CENPP: variants seen among roughly 807,000 people sequenced by gnomAD.
CENPP encodes centromere protein P.
Under a neutral mutation model 35.6 loss-of-function variants are expected in CENPP, and 24 were observed. The ratio of observed to expected loss-of-function variants is 0.67; its 90% CI spans 0.49 to 0.95. The LOEUF (loss-of-function observed/expected upper bound fraction) is 0.95. CENPP is among the 40% of genes least tolerant of loss of function. The pLI is 0.00. For synonymous variants in CENPP, 120 were observed against 125.5 expected (o/e 0.96, Z 0.29); for missense variants, 332 against 345.3 (o/e 0.96, Z 0.31).
At chr9:92,395,295 A>T (rs1248222247) in intron 5 of CENPP, among the ~76,000 whole-genome samples, 1 of 152,216 alleles carries the variant, frequency 6.6e-6, no homozygotes, top group Non-Finnish European at 1.5e-5. Context: ...ATCATGGAGT[A>T]TCTACTTCCT....
intron 4 of CENPP, among the ~76,000 whole-genome samples, chr9:92,374,388 A>G (rs1467408172): frequency 6.6e-6 from 1 of 151,974 alleles, no homozygotes; most frequent in Non-Finnish European, 1.5e-5. Context: ...TATTTCTAGT[A>G]GAGACGGAGG....
At chr9:92,374,933 T>C (rs1157002040) in intron 4 of CENPP, among the ~76,000 whole-genome samples, 1 of 152,198 alleles carries the variant, frequency 6.6e-6, no homozygotes, top group Non-Finnish European at 1.5e-5. Flanking sequence ...TTAATTTCTA[T>C]TGCATTTGTG....
intron 5 of CENPP, chr9:92,517,753 G>A (rs1847816658): frequency 6.2e-7 from 1 of 1,614,218 alleles, no homozygotes; most frequent in Non-Finnish European, 8.5e-7. Flanking sequence ...CTCTGGGGAT[G>A]GCACATGGTT....
At chr9:92,547,000 A>C (rs995236838) in intron 5 of CENPP, among the ~76,000 whole-genome samples, 2 of 152,226 alleles carry the variant, frequency 1.3e-5, no homozygotes, top group East Asian at 1.9e-4. Flanking sequence ...TTTGCAGGTC[A>C]GTCTCACTAA....
chr9:92,459,572 T>A, intron 5 of CENPP: 1 of 1,535,288 alleles, frequency 6.5e-7, no homozygotes, highest in Non-Finnish European at 8.9e-7. Flanking sequence ...TGTGCTAAAG[T>A]GTGTTATAAA....
At chr9:92,590,979 T>C (rs1850649820) in intron 5 of CENPP, among the ~76,000 whole-genome samples, 2 of 152,288 alleles carry the variant, frequency 1.3e-5, no homozygotes, top group South Asian at 4.1e-4. Context: ...TTTGAATAAA[T>C]GAGCCAAAAG....
At chr9:92,536,490 C>T (rs1446365524) in intron 5 of CENPP, 4 of 152,986 alleles carry the variant, frequency 2.6e-5, no homozygotes, top group Admixed American at 6.5e-5. Flanking sequence ...ACTAACAAAA[C>T]GACAACAACA....
intron 4 of CENPP, among the ~76,000 whole-genome samples, chr9:92,366,177 CAAAAAA>C (rs79052877): frequency 1.9e-5 from 1 of 52,070 alleles, no homozygotes; most frequent in Non-Finnish European, 4.1e-5. Flanking sequence ...GACTCCGTCT[CAAAAAA>C]AAAAAAAAAA....
intron 5 of CENPP, among the ~76,000 whole-genome samples, chr9:92,555,902 T>C (rs1450564989): frequency 6.6e-6 from 1 of 152,184 alleles, no homozygotes; most frequent in Non-Finnish European, 1.5e-5. Context: ...TTAATTCTGC[T>C]CTAATCTTGG....
chr9:92,538,018 G>A (rs971762674), intron 5 of CENPP, among the ~76,000 whole-genome samples: 1 of 152,106 alleles, frequency 6.6e-6, no homozygotes, highest in Non-Finnish European at 1.5e-5. Context: ...AGGGAAAACA[G>A]AAACTCTCCT....
chr9:92,502,806 T>C (rs998684657), intron 5 of CENPP, among the ~76,000 whole-genome samples: 1 of 53,722 alleles, frequency 1.9e-5, no homozygotes, highest in Non-Finnish European at 3.4e-5. Flanking sequence ...TAAGTTGTCT[T>C]TTTTTTTTTT....
intron 4 of CENPP, among the ~76,000 whole-genome samples, chr9:92,377,112 G>T (rs1402729146): frequency 2.0e-5 from 3 of 151,626 alleles, no homozygotes; most frequent in African/African-American, 7.3e-5. Context: ...CTTTTCTATT[G>T]CAGAGCATTT....
At chr9:92,359,031 C>A (rs1163658759) in intron 4 of CENPP, among the ~76,000 whole-genome samples, 1 of 147,332 alleles carries the variant, frequency 6.8e-6, no homozygotes, top group African/African-American at 2.5e-5. Context: ...TGCACTGCAA[C>A]CTCTGCCTCC....
chr9:92,436,248 A>G (rs1224922711), intron 5 of CENPP, among the ~76,000 whole-genome samples: 1 of 152,068 alleles, frequency 6.6e-6, no homozygotes, highest in Admixed American at 6.5e-5. Flanking sequence ...CTATTTTCCC[A>G]TTGAATTTTT....
At chr9:92,536,983 C>T (rs1026014991) in intron 5 of CENPP, among the ~76,000 whole-genome samples, 5 of 151,568 alleles carry the variant, frequency 3.3e-5, no homozygotes, top group Non-Finnish European at 5.9e-5. Context: ...GATTCTCCTG[C>T]CTCAGCTTCC....
intron 5 of CENPP, among the ~76,000 whole-genome samples, chr9:92,556,640 T>C (rs945745709): frequency 2.6e-5 from 4 of 152,224 alleles, no homozygotes; most frequent in African/African-American, 7.2e-5. Flanking sequence ...TTGTCTGATA[T>C]AAGAATAGCT....
intron 5 of CENPP, among the ~76,000 whole-genome samples, chr9:92,529,044 A>G (rs1355502314): frequency 2.0e-5 from 3 of 152,346 alleles, no homozygotes; most frequent in Admixed American, 1.3e-4. Flanking sequence ...ACCCAAATCA[A>G]ACTTTTAAAG....
intron 5 of CENPP, among the ~76,000 whole-genome samples, chr9:92,425,274 A>G (rs941945882): frequency 3.9e-5 from 6 of 152,168 alleles, no homozygotes; most frequent in African/African-American, 1.4e-4. Flanking sequence ...AGTTGGTTGC[A>G]CTCCAAAGGT....
chr9:92,465,712 G>A (rs1845278455), intron 5 of CENPP, among the ~76,000 whole-genome samples: 1 of 151,992 alleles, frequency 6.6e-6, no homozygotes, highest in Admixed American at 6.6e-5. Flanking sequence ...AACTAATTTT[G>A]TGTATTATAT....
Sources: allele counts gnomAD v4.1 joint callset (sites outside exome capture counted in the v4.1 genomes callset), GRCh38; gene constraint gnomAD v4.1.1; transcripts MANE v1.5; gene names NCBI Gene and HGNC (gene_info 2026-07-23, HGNC 2026-07-21).